OCIAD2: variants seen among roughly 807,000 people sequenced by gnomAD.
OCIAD2 encodes OCIA domain-containing protein 2.
A neutral mutation model predicts 22.9 loss-of-function variants in OCIAD2; 29 were observed. That is an observed-to-expected ratio of 1.27 (90% CI 0.94 to 1.73). The LOEUF (loss-of-function observed/expected upper bound fraction) is 1.73, where lower values mean the gene tolerates loss of function less well. Among genes scored for constraint, OCIAD2 ranks in the 40% most tolerant of loss-of-function variants. The pLI is 0.00. For missense variants in OCIAD2, 189 were observed against 180.3 expected, an observed-to-expected ratio of 1.05 and a Z score of -0.28; for synonymous variants, 67 against 60.2, an observed-to-expected ratio of 1.11 and a Z score of -0.52.
chr4:48,885,625 TACATAACATATTA>T, intron 6 of OCIAD2, 60 bp from the exon 7 acceptor site: 1 of 830,140 alleles, frequency 1.2e-6, no homozygotes, highest in Non-Finnish European at 2.1e-6. Flanking sequence ...CCCTAGTCTT[TACATAACATATTA>T]TTCTTATTAT....
At chr4:48,894,857 C>G (rs1253051606) in intron 4 of OCIAD2, among the ~76,000 whole-genome samples, 1 of 152,020 alleles carries the variant, frequency 6.6e-6, no homozygotes, top group Non-Finnish European at 1.5e-5. Context: ...TTTAGAGATA[C>G]CCACATCCGA....
chr4:48,888,252 T>A (rs1175595765), intron 6 of OCIAD2, among the ~76,000 whole-genome samples: 1 of 152,198 alleles, frequency 6.6e-6, no homozygotes, highest in Non-Finnish European at 1.5e-5. Context: ...ATGATGGGGT[T>A]TTCTAAATAC....
chr4:48,898,835 T>C (rs1269258965), intron 3 of OCIAD2, among the ~76,000 whole-genome samples: 6 of 152,210 alleles, frequency 3.9e-5, no homozygotes, highest in Non-Finnish European at 5.9e-5. Flanking sequence ...AAATGACTTC[T>C]TTCAAAAGCA....
chr4:48,893,447 G>T (rs556539464), intron 5 of OCIAD2: 1 of 152,198 alleles, frequency 6.6e-6, no homozygotes, highest in Non-Finnish European at 1.5e-5. Flanking sequence ...GGTGAAGGAA[G>T]ATGAAACCCC....
At chr4:48,897,681 C>T (rs1781330755) in intron 4 of OCIAD2, 123 bp downstream of exon 4, 5 of 769,698 alleles carry the variant, frequency 6.5e-6, no homozygotes, top group Non-Finnish European at 1.2e-5. Context: ...TGAAAATAGG[C>T]AGAAGTCTGC....
chr4:48,903,891 C>T (rs552154276), intron 2 of OCIAD2, among the ~76,000 whole-genome samples: 76 of 151,932 alleles, frequency 5.0e-4, no homozygotes, highest in African/African-American at 1.5e-3. Context: ...GTGATCCACC[C>T]GCCTCGGCCT....
chr4:48,904,713 T>C lies in OCIAD2; in HGVS notation c.-62-102A>G, dbSNP rs1781491418. 1.0e-4 allele frequency: 68 copies of C among 673,698 alleles called. No individual in the cohort carries two copies. In the South Asian group the frequency reaches 1.2e-3, roughly 12 times the overall value. 41.7% of individuals were successfully genotyped at this position (673,698 alleles called of 1,614,324 possible). On this transcript the variant is annotated intron_variant, in intron 1 of 6. Transcript: ENST00000508632. Reference sequence around the variant, plus strand: ...TGGAGTTATTTGGAAAATGTGTTTTTCCTTTTGTCATTAGTCCATCTGCAA... The same window carrying C: ...TGGAGTTATTTGGAAAATGTGTTTTCCCTTTTGTCATTAGTCCATCTGCAA...
chr4:48,886,399 G>A (rs1483799474), intron 6 of OCIAD2, among the ~76,000 whole-genome samples: 2 of 152,180 alleles, frequency 1.3e-5, no homozygotes, highest in Non-Finnish European at 2.9e-5. Context: ...GTGCAGGTTT[G>A]TTACTTATGT....
At chr4:48,897,610 A>T (rs1463321432) in intron 4 of OCIAD2, among the ~76,000 whole-genome samples, 194 bp downstream of exon 4, 3 of 152,128 alleles carry the variant, frequency 2.0e-5, no homozygotes, top group Non-Finnish European at 4.4e-5. Flanking sequence ...TTGCCATGTA[A>T]CCCAATATAT....
intron 3 of OCIAD2, among the ~76,000 whole-genome samples, 159 bp downstream of exon 3, chr4:48,899,670 A>C (rs1242820534): frequency 6.6e-6 from 1 of 152,210 alleles, no homozygotes; most frequent in Non-Finnish European, 1.5e-5. Context: ...CTCTGCCCTA[A>C]AAAAGGTCTG....
intron 4 of OCIAD2, among the ~76,000 whole-genome samples, chr4:48,894,343 C>T (rs1781255498): frequency 6.6e-6 from 1 of 151,918 alleles, no homozygotes; most frequent in African/African-American, 2.4e-5. Context: ...AAATACAAAA[C>T]TTAGCCAGGC....
At position 48,904,622 on chromosome 4, in the gene OCIAD2, T is replaced by A; in HGVS notation, c.-62-11A>T. ...TCCTTGACCCAGTGTCTAAGGAAGG[T>A]AGAAGAGAATCACTATGCCATGACT... On this transcript the variant is annotated splice_polypyrimidine_tract_variant and intron_variant, in intron 1 of 6. Coordinates refer to ENST00000508632, the MANE Select transcript of OCIAD2 (RefSeq NM_001014446.3). The A allele has an allele frequency of 7.6e-7, 1 of 1,323,052 alleles. No homozygotes were observed. The highest frequency in any genetic ancestry group is 1.1e-6 in the Non-Finnish European group (1 of 916,714). 82.0% of individuals were successfully genotyped at this position (1,323,052 alleles called of 1,614,324 possible). A position where few individuals can be genotyped will look rare whatever the true frequency, so the allele number is the denominator to read the frequency against.
chr4:48,904,753 G>T, intron 1 of OCIAD2, 142 bp from the exon 2 acceptor site: 1 of 608,044 alleles, frequency 1.6e-6, no homozygotes, highest in Non-Finnish European at 2.9e-6. Flanking sequence ...AACTTCCAGT[G>T]CTCCTCTTCC....
At chr4:48,892,748 C>T in intron 6 of OCIAD2, 24 bp downstream of exon 6, 1 of 1,093,002 alleles carries the variant, frequency 9.1e-7, no homozygotes, top group Non-Finnish European at 1.4e-6. Context: ...ACATTACAAT[C>T]CCTCAACCAA....
chr4:48,888,311 A>G, intron 6 of OCIAD2, among the ~76,000 whole-genome samples: 1 of 152,162 alleles, frequency 6.6e-6, no homozygotes, highest in Non-Finnish European at 1.5e-5. Flanking sequence ...CTCTTTTCCT[A>G]ATTGAATACC....
At chr4:48,892,705 A>G (rs1355953406) in intron 6 of OCIAD2, 67 bp downstream of exon 6, 1 of 785,256 alleles carries the variant, frequency 1.3e-6, no homozygotes, top group African/African-American at 1.8e-5. Context: ...TATTATAAAT[A>G]GTGAGTAATC....
chr4:48,893,235 G>A (rs1212081512), intron 5 of OCIAD2: 1 of 161,632 alleles, frequency 6.2e-6, no homozygotes, highest in Admixed American at 6.4e-5. Flanking sequence ...AAATCACTGG[G>A]TAGAAATGCC....
chr4:48,892,857 C>T lies in OCIAD2; in HGVS notation c.298G>A (p.Val100Ile). The change falls in exon 6 of 7, where the codon GTA (valine) becomes ATA (isoleucine). Residue 100 changes from valine to isoleucine, a missense_variant. Coordinates refer to ENST00000508632, the MANE Select transcript of OCIAD2 (RefSeq NM_001014446.3). ...AGLLGFGLGK[V>I]SYIGVCQSKF... ...CTCTGGCATACTCCTATGTATGATA[C>T]CTTTCCAAGGCCAAATCCCAAGAGA... 1.2e-6 allele frequency: 2 copies of T among 1,610,322 alleles called. No individual in the cohort carries two copies. The highest frequency in any genetic ancestry group is 1.1e-5 in the South Asian group (1 of 90,160).
intron 2 of OCIAD2, 102 bp downstream of exon 2, chr4:48,904,382 G>A (rs531314640): frequency 1.7e-5 from 17 of 998,404 alleles, no homozygotes; most frequent in Admixed American, 3.4e-5. Context: ...CCAGCAGTTC[G>A]AGACTGCAGT....
Sources: allele counts gnomAD v4.1 joint callset (sites outside exome capture counted in the v4.1 genomes callset), GRCh38; gene constraint gnomAD v4.1.1; transcripts MANE v1.5; gene names NCBI Gene and HGNC (gene_info 2026-07-23, HGNC 2026-07-21).